The following THADA variants were observed in gnomAD, a reference collection of about 807,000 sequenced individuals.
The protein encoded by THADA is tRNA (32-2'-O)-methyltransferase regulator THADA.
THADA carries 213 observed loss-of-function variants against 219.8 expected under a neutral mutation model. The ratio of observed to expected loss-of-function variants is 0.97; its 90% confidence interval spans 0.87 to 1.09. The LOEUF is 1.09. Among genes scored for constraint, THADA ranks in the 50% least tolerant of loss-of-function variants. THADA has a pLI of 0.00. For missense variants in THADA, 2,956 were observed against 2,311.3 expected (o/e 1.28, Z -5.72); for synonymous variants, 1,018 against 828.9 (o/e 1.23, Z -3.92).
At chr2:43,401,735 T>A (rs534389110) in intron 28 of THADA, among the ~76,000 whole-genome samples, 2 of 152,038 alleles carry the variant, frequency 1.3e-5, no homozygotes, top group South Asian at 2.1e-4. Context: ...AAAAATAAAA[T>A]GAAGCTCAGA....
rs773554048 is a variant in THADA at position 43,344,211 on chromosome 2, T to C, written c.4254A>G (p.Ser1418=). Residue 1418 remains serine, a synonymous_variant, in exon 30 of 38, where the codon TCA becomes TCG. Coordinates refer to ENST00000405975, the MANE Select transcript of THADA (RefSeq NM_022065.5). ...LQVFHLLQAY[S]DSKHGTNSDF... ...CTGAATTCGTTCCGTGTTTGGAGTC[T>C]GAGTAGGCTTGCAACAAATGAAAAA... 1 of 1,611,384 alleles carries C rather than the reference T, an allele frequency of 6.2e-7. No individual in the cohort carries two copies. The highest frequency in any genetic ancestry group is 1.1e-5 in the South Asian group (1 of 90,298).
intron 29 of THADA, among the ~76,000 whole-genome samples, chr2:43,391,483 G>A (rs1181594005): frequency 6.6e-6 from 1 of 152,190 alleles, no homozygotes; most frequent in East Asian, 1.9e-4. Context: ...TGTTTATAAG[G>A]AAGGGATTAA....
intron 36 of THADA, among the ~76,000 whole-genome samples, chr2:43,262,880 G>A (rs927812049): frequency 2.6e-5 from 4 of 152,208 alleles, no homozygotes; most frequent in African/African-American, 9.6e-5. Context: ...ATCCTCAGGT[G>A]ATCTGTGTAC....
rs1471395942 is a variant in THADA, at chr2:43,551,847, C to A, written c.2889G>T (p.Val963=). 2.5e-6 allele frequency: 4 copies of A among 1,613,838 alleles called. No homozygotes were observed. The Admixed American group carries it at 6.7e-5, about 27-fold the overall frequency. ...GGGATGAGCTCTGAATGACTGGAGA[C>A]ACCACAGTGGAAAGCCTGTAGGACA... is the stretch of plus-strand genomic sequence containing the variant. The part of the protein sequence containing the change: ...LLMSYRLSTV[V]SPVIQSSSPE... The change falls in exon 19 of 38, where the codon GTG becomes GTT. Residue 963 remains valine, a synonymous_variant. Transcript: ENST00000405975.
At chr2:43,237,700 T>C (rs1412306709) in intron 36 of THADA, among the ~76,000 whole-genome samples, 1 of 151,346 alleles carries the variant, frequency 6.6e-6, no homozygotes, top group Non-Finnish European at 1.5e-5. Flanking sequence ...CGCCCGGCCT[T>C]GAGCCACCAC....
chr2:43,466,249 G>A (rs1011003592), intron 26 of THADA, among the ~76,000 whole-genome samples: 6 of 152,196 alleles, frequency 3.9e-5, no homozygotes, highest in Non-Finnish European at 8.8e-5. Flanking sequence ...GAATCATAAT[G>A]CATAGCAGCA....
At chr2:43,353,782 A>G (rs780230480) in intron 29 of THADA, among the ~76,000 whole-genome samples, 31 of 151,554 alleles carry the variant, frequency 2.0e-4, no homozygotes, top group Admixed American at 9.8e-4. Context: ...CAGCCTCCCA[A>G]GTAGCTGGGA....
intron 33 of THADA, 111 bp from the exon 34 acceptor site, chr2:43,291,879 T>C: frequency 9.9e-7 from 1 of 1,013,858 alleles, no homozygotes. Context: ...ACTGAAAATC[T>C]CTACCTCCTG....
chr2:43,333,526 A>C (rs1361820107), intron 30 of THADA, among the ~76,000 whole-genome samples: 2 of 152,006 alleles, frequency 1.3e-5, no homozygotes, highest in East Asian at 3.8e-4. Flanking sequence ...TTTTTGAAAG[A>C]AAAAAAGAAG....
At chr2:43,356,745 G>A (rs547575899) in intron 29 of THADA, among the ~76,000 whole-genome samples, 1 of 152,094 alleles carries the variant, frequency 6.6e-6, no homozygotes. Flanking sequence ...TAACTTAGTG[G>A]CTGTGTGAAA....
At chr2:43,306,158 G>A (rs962614882) in intron 31 of THADA, among the ~76,000 whole-genome samples, 15 of 152,012 alleles carry the variant, frequency 9.9e-5, no homozygotes, top group African/African-American at 3.6e-4. Flanking sequence ...CTACAGGCAC[G>A]AGCCCCCATG....
intron 7 of THADA, among the ~76,000 whole-genome samples, chr2:43,584,026 C>CTTGTCTCA (rs1700742708): frequency 8.0e-6 from 1 of 125,534 alleles, no homozygotes; most frequent in Non-Finnish European, 1.6e-5. Context: ...AGAGCCAGAG[C>CTTGTCTCA]TTGTCTCAAT....
chr2:43,455,978 T>C (rs2104911214), intron 26 of THADA, among the ~76,000 whole-genome samples: 1 of 152,338 alleles, frequency 6.6e-6, no homozygotes, highest in African/African-American at 2.4e-5. Context: ...TTATATTCAC[T>C]GTTATTTGTG....
intron 31 of THADA, among the ~76,000 whole-genome samples, chr2:43,305,788 C>A (rs565301638): frequency 6.6e-6 from 1 of 152,138 alleles, no homozygotes; most frequent in Non-Finnish European, 1.5e-5. Context: ...TCAGCCTTTG[C>A]CCAACACAGG....
At chr2:43,554,260 T>C (rs1458169720) in intron 17 of THADA, among the ~76,000 whole-genome samples, 2 of 152,228 alleles carry the variant, frequency 1.3e-5, no homozygotes, top group African/African-American at 4.8e-5. Flanking sequence ...TTAAGTCTTT[T>C]ATTTATTTTG....
At chr2:43,269,208 T>A (rs575081955) in intron 36 of THADA, among the ~76,000 whole-genome samples, 1 of 152,212 alleles carries the variant, frequency 6.6e-6, no homozygotes, top group Non-Finnish European at 1.5e-5. Context: ...CAGCACCAGA[T>A]GGCCTAAGCC....
At chr2:43,448,759 C>T (rs6724325) in intron 26 of THADA, among the ~76,000 whole-genome samples, 8,686 of 151,948 alleles carry the variant, frequency 0.057, 689 homozygotes, top group African/African-American at 0.18. Flanking sequence ...ATCAGGCAGA[C>T]CCCCTGACAC....
At chr2:43,587,392 AT>A (rs1032479902) in intron 4 of THADA, among the ~76,000 whole-genome samples, 1 of 151,702 alleles carries the variant, frequency 6.6e-6, no homozygotes, top group Non-Finnish European at 1.5e-5. Flanking sequence ...ATCTTTATTT[AT>A]TTTTTTTCTT....
chr2:43,572,730 A>G (rs1021775649), intron 12 of THADA, 84 bp downstream of exon 12: 1 of 1,268,382 alleles, frequency 7.9e-7, no homozygotes. Flanking sequence ...ACAGTTCAGG[A>G]TACAATGTAG....
Sources: allele counts gnomAD v4.1 joint callset (sites outside exome capture counted in the v4.1 genomes callset), GRCh38; gene constraint gnomAD v4.1.1; transcripts MANE v1.5; gene names NCBI Gene and HGNC (gene_info 2026-07-23, HGNC 2026-07-21).